The following SPSB1 variants were observed in gnomAD, a reference collection of about 807,000 sequenced individuals.
The protein encoded by SPSB1 is SPRY domain-containing SOCS box protein 1.
SPSB1 carries 8 observed loss-of-function variants against 21.2 expected under a neutral mutation model. The observed-to-expected ratio is 0.38, with a 90% confidence interval of 0.22 to 0.68. The LOEUF (loss-of-function observed/expected upper bound fraction) is 0.68, where lower values mean the gene tolerates loss of function less well. SPSB1 is among the 30% of genes least tolerant of loss of function. The probability of loss-of-function intolerance (pLI) is 0.53; values close to 1 mark genes in which losing one functional copy is unlikely to be tolerated. For missense variants in SPSB1, 242 were observed against 377.8 expected (o/e 0.64, Z 2.98); for synonymous variants, 169 against 161.7 (o/e 1.05, Z -0.34).
chr1:9,365,965 G>A (rs536533478), intron 2 of SPSB1, among the ~76,000 whole-genome samples: 3 of 152,330 alleles, frequency 2.0e-5, no homozygotes, highest in South Asian at 2.1e-4. Context: ...CTGGCGAAGC[G>A]GGCGAGCAGG....
intron 1 of SPSB1, among the ~76,000 whole-genome samples, chr1:9,296,639 C>G (rs558237332): frequency 1.3e-5 from 2 of 152,220 alleles, no homozygotes; most frequent in African/African-American, 4.8e-5. Context: ...TACACACACA[C>G]GCTGGATTAT....
intron 1 of SPSB1, among the ~76,000 whole-genome samples, chr1:9,323,579 C>T (rs536864066): frequency 6.6e-6 from 1 of 152,286 alleles, no homozygotes; most frequent in South Asian, 2.1e-4. Context: ...GTTTAGCCTT[C>T]GTGGAATCCA....
At chr1:9,366,549 T>A (rs1274877149) in intron 2 of SPSB1, among the ~76,000 whole-genome samples, 5 of 149,620 alleles carry the variant, frequency 3.3e-5, no homozygotes, top group African/African-American at 1.2e-4. Context: ...ACACTGGGTG[T>A]CCCCTCTGTG....
In SPSB1 at chr1:9,310,430, T is replaced by G. The variant is rs9724706; in HGVS notation, c.-150+17359T>G. On this transcript the variant is annotated intron_variant, in intron 1 of 2. Transcript: ENST00000328089. ...CTAAAGGGCCGGGCACAGTAGCTCA[T>G]GCCTGTAATCCCAGCACTTTGGGAG... 9.2e-3 allele frequency among the ~76,000 whole-genome samples: 1,396 copies of G among 152,278 alleles called. 25 individuals carry two copies. Among genetic ancestry groups the G allele is most frequent in the African/African-American group, 0.032 (1,310 of 41,550 alleles).
rs112902759 is a variant in SPSB1 at position 9,317,083 on chromosome 1, C to T, written c.-150+24012C>T. Among the ~76,000 whole-genome samples, 1,411 of 152,142 alleles carry T rather than the reference C, an allele frequency of 9.3e-3. 9 individuals carry two copies. The highest frequency in any genetic ancestry group is 0.012 in the African/African-American group (496 of 41,502). ...TGAGGGTTTGCTTCCGGTGCTCTCGCGAAGGAAAGAGAGAACTCACAAATA... is the reference window on the plus strand; with the variant it reads ...TGAGGGTTTGCTTCCGGTGCTCTCGTGAAGGAAAGAGAGAACTCACAAATA... On this transcript the variant is annotated intron_variant, in intron 1 of 2. Transcript: ENST00000328089. The surrounding 1 kb of genome is among the most constrained non-coding windows in gnomAD (Gnocchi z 4.3).
At chr1:9,331,812 G>A (rs548559600) in intron 1 of SPSB1, among the ~76,000 whole-genome samples, 29 of 152,172 alleles carry the variant, frequency 1.9e-4, no homozygotes, top group Non-Finnish European at 3.5e-4. Flanking sequence ...AGGGTGCAAC[G>A]TGCGATCTCA....
At chr1:9,300,757 G>A (rs1639314479) in intron 1 of SPSB1, among the ~76,000 whole-genome samples, 1 of 152,186 alleles carries the variant, frequency 6.6e-6, no homozygotes, top group Non-Finnish European at 1.5e-5. Context: ...GGTCTGAGCA[G>A]GTCCTGAAGG....
chr1:9,368,236 C>G lies in SPSB1; in HGVS notation c.*661C>G. 1 of 152,882 alleles carries G rather than the reference C, an allele frequency of 6.5e-6. No individual in the cohort carries two copies. Among genetic ancestry groups the G allele is most frequent in the Non-Finnish European group, 1.5e-5 (1 of 68,228 alleles). The allele number at this position is 152,882 out of a possible 1,614,324, so 9.5% of individuals were successfully genotyped here. A position where few individuals can be genotyped will look rare whatever the true frequency, so the allele number is the denominator to read the frequency against. On this transcript the variant is annotated 3_prime_UTR_variant, in exon 3 of 3. Transcript: ENST00000328089. ...TATTTATTCCATCTAGAAAGGAAAC[C>G]CTGTTTCAGTCCCCTCTCTCTGGCT...
intron 1 of SPSB1, among the ~76,000 whole-genome samples, chr1:9,318,015 G>A (rs945940559): frequency 8.5e-5 from 13 of 152,348 alleles, no homozygotes; most frequent in East Asian, 7.7e-4. Flanking sequence ...GTTTGGTGAC[G>A]TGCCAGGTGG....
At chr1:9,294,887 G>C (rs1639192112) in intron 1 of SPSB1, among the ~76,000 whole-genome samples, 1 of 152,042 alleles carries the variant, frequency 6.6e-6, no homozygotes, top group South Asian at 2.1e-4. Flanking sequence ...CAGCACAGGT[G>C]GTCTCTCCAC....
At position 9,356,691 on chromosome 1, in the gene SPSB1, A is replaced by G; in HGVS notation, c.694+106A>G. 6.8e-7 allele frequency: 1 copy of G among 1,467,668 alleles called. No homozygotes were observed. Among genetic ancestry groups the G allele is most frequent in the South Asian group, 1.4e-5 (1 of 70,636 alleles). The allele number at this position is 1,467,668 out of a possible 1,614,324, so 90.9% of individuals were successfully genotyped here. ...TCATTGGAACTAGAGTGTTTTGAAG[A>G]CGATATTCCAGTGTATTCAGACCCT... is the stretch of plus-strand genomic sequence containing the variant. On this transcript the variant is annotated intron_variant, in intron 2 of 2. Coordinates refer to ENST00000328089, the MANE Select transcript of SPSB1 (RefSeq NM_025106.4). This position sits in a 1 kb window ranked among gnomAD's most constrained non-coding sequence, Gnocchi z 7.4.
intron 2 of SPSB1, among the ~76,000 whole-genome samples, chr1:9,366,229 C>A (rs547618417): frequency 6.6e-6 from 1 of 152,298 alleles, no homozygotes; most frequent in African/African-American, 2.4e-5. Flanking sequence ...GTGCCTGGGG[C>A]AGTTGCGGGG....
chr1:9,357,392 G>A (rs1000222770), intron 2 of SPSB1, among the ~76,000 whole-genome samples: 1 of 152,168 alleles, frequency 6.6e-6, no homozygotes, highest in African/African-American at 2.4e-5. Context: ...TAAGTAGGTG[G>A]TCTTTGTTTC....
intron 2 of SPSB1, among the ~76,000 whole-genome samples, chr1:9,364,693 A>G (rs1640536079): frequency 6.6e-6 from 1 of 152,216 alleles, no homozygotes; most frequent in Non-Finnish European, 1.5e-5. Context: ...CCCTTTCAAA[A>G]TTCTCCATTA....
At chr1:9,352,812 C>T (rs1004237696) in intron 1 of SPSB1, among the ~76,000 whole-genome samples, 1 of 151,518 alleles carries the variant, frequency 6.6e-6, no homozygotes, top group Admixed American at 6.6e-5. Flanking sequence ...CCTCTCCCCG[C>T]CACCTGTCTC....
At chr1:9,332,076 G>A (rs1639931111) in intron 1 of SPSB1, among the ~76,000 whole-genome samples, 1 of 152,022 alleles carries the variant, frequency 6.6e-6, no homozygotes, top group African/African-American at 2.4e-5. Flanking sequence ...TTGGCCAGAC[G>A]AGGTGGCTGA....
Position 9,346,286 on chromosome 1 carries a change from C to T in SPSB1, c.-149-9457C>T, listed in dbSNP as rs1640165815. Among the ~76,000 whole-genome samples the T allele has an allele frequency of 6.6e-6, 1 of 152,182 alleles. No homozygotes were observed. The highest frequency in any genetic ancestry group is 2.1e-4 in the South Asian group (1 of 4,830). On this transcript the variant is annotated intron_variant, in intron 1 of 2. Coordinates refer to ENST00000328089, the MANE Select transcript of SPSB1 (RefSeq NM_025106.4). The surrounding 1 kb of genome is among the most constrained non-coding windows in gnomAD (Gnocchi z 4.4). ...TCCACATCCTGAATTTCATTCTTTC[C>T]CCATCTTGGGGCAAAACAATGGTTT...
chr1:9,325,225 A>ACCCCCCCC (rs33978312), intron 1 of SPSB1, among the ~76,000 whole-genome samples: 1 of 133,710 alleles, frequency 7.5e-6, no homozygotes. Flanking sequence ...TCCCACCACC[A>ACCCCCCCC]CCCCCCCCCC....
intron 1 of SPSB1, among the ~76,000 whole-genome samples, chr1:9,341,206 C>G (rs1396340633): frequency 1.3e-5 from 2 of 152,226 alleles, no homozygotes; most frequent in South Asian, 4.1e-4. Flanking sequence ...CCTGGCCCCC[C>G]GGCCTCAGAA....
Sources: allele counts gnomAD v4.1 joint callset (sites outside exome capture counted in the v4.1 genomes callset), GRCh38; gene constraint gnomAD v4.1.1; non-coding constraint Gnocchi (gnomAD v3.1); transcripts MANE v1.5; gene names NCBI Gene and HGNC (gene_info 2026-07-23, HGNC 2026-07-21).